FOXD1: variants seen among roughly 807,000 people sequenced by gnomAD.
FOXD1 encodes forkhead box D1.
Under a neutral mutation model 2.0 loss-of-function variants are expected in FOXD1, and 4 were observed. The ratio of observed to expected loss-of-function variants is 2.03; its 90% CI spans 1.00 to 4.64. The LOEUF (loss-of-function observed/expected upper bound fraction) is 4.64. Ranked by LOEUF, FOXD1 falls within the 30% of genes most tolerant of loss-of-function variation. The pLI, the probability that FOXD1 is intolerant of heterozygous loss-of-function variation, is 0.01. For synonymous variants in FOXD1, 354 were observed against 328.5 expected, an observed-to-expected ratio of 1.08 and a Z score of -0.84; for missense variants, 586 against 647.6, an observed-to-expected ratio of 0.90 and a Z score of 1.03.
In FOXD1 at chr5:73,448,088, G is replaced by A; in HGVS notation, c.275C>T (p.Pro92Leu). 8.9e-7 allele frequency: 1 copy of A among 1,125,858 alleles called. No homozygotes were observed. The highest frequency in any genetic ancestry group is 1.1e-6 in the Non-Finnish European group (1 of 919,950). 69.7% of individuals were successfully genotyped at this position (1,125,858 alleles called of 1,614,324 possible). ...PAGGSPAPPG[P>L]APAAGAGAGG... ...GGCTCCTGCCCCCGCCGCCGGGGCC[G>A]GGCCCGGGGGCGCCGGGGAGCCCCC... is the stretch of plus-strand genomic sequence containing the variant. The change falls in exon 1 of 1, where the codon CCG (proline) becomes CTG (leucine). Residue 92 changes from proline to leucine, a missense_variant. By Grantham distance (98) the Pro-to-Leu change is moderately conservative. Transcript: ENST00000615637.
Position 73,447,963 on chromosome 5 carries a change from T to C in FOXD1, c.400A>G (p.Ile134Val). 6.3e-7 allele frequency: 1 copy of C among 1,599,204 alleles called. No homozygotes were observed. The highest frequency in any genetic ancestry group is 8.5e-7 in the Non-Finnish European group (1 of 1,172,972). Residue 134 changes from isoleucine to valine, a missense_variant, in exon 1 of 1, where the codon ATC becomes GTC. This residue lies in a region of FOXD1 where 104 missense variants were observed against 175.4 expected (regional missense o/e 0.59). Coordinates refer to ENST00000615637, the MANE Select transcript of FOXD1 (RefSeq NM_004472.3). This position sits in a 1 kb window ranked among gnomAD's most constrained non-coding sequence, Gnocchi z 7.8. ...GGGCTCTGCAGGATGGCCATAGTGA[T>C]GAGCGCGATATACGAGTAGGGCGGC... ...VKPPYSYIAL[I>V]TMAILQSPKK... is the part of the protein sequence containing the mutation.
chr5:73,446,737 T>G lies in FOXD1; in HGVS notation c.*228A>C. 1.6e-5 allele frequency: 7 copies of G among 429,784 alleles called. No homozygotes were observed. Among genetic ancestry groups the G allele is most frequent in the Admixed American group, 4.0e-5 (1 of 24,872 alleles). 26.6% of individuals were successfully genotyped at this position (429,784 alleles called of 1,614,324 possible). Reference sequence around the variant, plus strand: ...CTTCCTCCCTACCCCAGGTCGGGGGTTGGGGGGCTGTAGCATAGGTCGGCT... The same window carrying G: ...CTTCCTCCCTACCCCAGGTCGGGGGGTGGGGGGCTGTAGCATAGGTCGGCT... On this transcript the variant is annotated 3_prime_UTR_variant, in exon 1 of 1. Coordinates refer to ENST00000615637, the MANE Select transcript of FOXD1 (RefSeq NM_004472.3).
At position 73,447,784 on chromosome 5, in the gene FOXD1, C is replaced by G. The variant is rs753617160; in HGVS notation, c.579G>C (p.Pro193=). 5.2e-5 allele frequency: 84 copies of G among 1,611,196 alleles called. No homozygotes were observed. The highest frequency in any genetic ancestry group is 6.4e-5 in the Non-Finnish European group (76 of 1,178,778). ...FVKIPREPGN[P]GKGNYWTLDP... is the part of the protein sequence containing the mutation. Reference sequence around the variant, plus strand: ...CCAGCGTCCAGTAGTTGCCCTTGCCCGGGTTGCCGGGCTCGCGGGGGATCT... The same window carrying G: ...CCAGCGTCCAGTAGTTGCCCTTGCCGGGGTTGCCGGGCTCGCGGGGGATCT... The change falls in exon 1 of 1, where the codon CCG becomes CCC. Residue 193 remains proline, a synonymous_variant. Transcript: ENST00000615637. This position sits in a 1 kb window ranked among gnomAD's most constrained non-coding sequence, Gnocchi z 7.8.
In FOXD1 at chr5:73,447,523, C is replaced by A. The variant is rs2112139515; in HGVS notation, c.840G>T (p.Leu280=). The A allele has an allele frequency of 1.9e-6, 2 of 1,029,004 alleles. No individual in the cohort carries two copies. Among genetic ancestry groups the A allele is most frequent in the East Asian group, 1.9e-4 (2 of 10,640 alleles). 63.7% of individuals were successfully genotyped at this position (1,029,004 alleles called of 1,614,324 possible). A position where few individuals can be genotyped will look rare whatever the true frequency, so the allele number is the denominator to read the frequency against. Residue 280 remains leucine (L), a synonymous_variant, in exon 1 of 1, where the codon CTG becomes CTT. Coordinates refer to ENST00000615637, the MANE Select transcript of FOXD1 (RefSeq NM_004472.3). This position sits in a 1 kb window ranked among gnomAD's most constrained non-coding sequence, Gnocchi z 7.8. ...AGGGCGGCGCGTAAGGCGGCAGCTG[C>A]AGGCCGTAGCCGCAGCCGTAGGGGC... ...GYGPYGCGYG[L]QLPPYAPPSA... is the part of the protein sequence containing the mutation.
At position 73,447,064 on chromosome 5, in the gene FOXD1, G is replaced by A. The variant is rs1561240605; in HGVS notation, c.1299C>T (p.Ala433=). The stretch of plus-strand genomic sequence containing the variant: ...CGGCGGACGAGGAGACTGAGGAGGC[G>A]GCGGCGGCCGCGGCGGCCACGAGGG... ...TRSLVAAAAA[A]ASSVSSSAAL... Residue 433 remains alanine, a synonymous_variant, in exon 1 of 1, where the codon GCC becomes GCT. Coordinates refer to ENST00000615637, the MANE Select transcript of FOXD1 (RefSeq NM_004472.3). The surrounding 1 kb of genome is among the most constrained non-coding windows in gnomAD (Gnocchi z 7.8). The A allele has an allele frequency of 2.0e-6, 3 of 1,518,512 alleles. No homozygotes were observed. The highest frequency in any genetic ancestry group is 5.5e-5 in the East Asian group (2 of 36,638). 94.1% of individuals were successfully genotyped at this position (1,518,512 alleles called of 1,614,324 possible). A position where few individuals can be genotyped will look rare whatever the true frequency, so the allele number is the denominator to read the frequency against.
chr5:73,448,176 C>T lies in FOXD1; in HGVS notation c.187G>A (p.Asp63Asn), dbSNP rs1415722883. 2.8e-6 allele frequency: 4 copies of T among 1,444,250 alleles called. No individual in the cohort carries two copies. In the African/African-American group the frequency reaches 6.0e-5, roughly 22 times the overall value. 89.5% of individuals were successfully genotyped at this position (1,444,250 alleles called of 1,614,324 possible). A position where few individuals can be genotyped will look rare whatever the true frequency, so the allele number is the denominator to read the frequency against. ...RRRRRSYAGE[D>N]ELEDLEEEED... ...TCCTCCTCCAGATCCTCCAGCTCGT[C>T]CTCCCCGGCGTACGAGCGCCGCCGC... The change falls in exon 1 of 1, where the codon GAC (aspartate) becomes AAC (asparagine). Residue 63 changes from aspartate to asparagine, a missense_variant. Physicochemically the swap from Asp to Asn is conservative, Grantham distance 23. Transcript: ENST00000615637.
chr5:73,447,530 T>C lies in FOXD1; in HGVS notation c.833A>G (p.Tyr278Cys). ...CGCGTAAGGCGGCAGCTGCAGGCCG[T>C]AGCCGCAGCCGTAGGGGCCGTAGCC... ...AYGYGPYGCG[Y>C]GLQLPPYAPP... is the part of the protein sequence containing the mutation. Residue 278 changes from tyrosine to cysteine, a missense_variant, in exon 1 of 1, where the codon TAC becomes TGC. Tyr to Cys is a radical substitution (Grantham distance 194, BLOSUM62 -2). Coordinates refer to ENST00000615637, the MANE Select transcript of FOXD1 (RefSeq NM_004472.3). The surrounding 1 kb of genome is among the most constrained non-coding windows in gnomAD (Gnocchi z 7.8). The C allele has an allele frequency of 9.7e-7, 1 of 1,033,058 alleles. No individual in the cohort carries two copies. 64.0% of individuals were successfully genotyped at this position (1,033,058 alleles called of 1,614,324 possible). A position where few individuals can be genotyped will look rare whatever the true frequency, so the allele number is the denominator to read the frequency against.
Position 73,447,243 on chromosome 5 carries a change from G to C in FOXD1, c.1120C>G (p.Pro374Ala). Residue 374 changes from proline (P) to alanine (A), a missense_variant, in exon 1 of 1, where the codon CCG becomes GCG. Physicochemically the swap from Pro to Ala is conservative, Grantham distance 27 (BLOSUM62 -1). This residue lies in a region of FOXD1 where 253 missense variants were observed against 234.4 expected (regional missense o/e 1.08). Transcript: ENST00000615637. The surrounding 1 kb of genome is among the most constrained non-coding windows in gnomAD (Gnocchi z 7.8). ...IESIIGGSLGPAAAAAAAAQA... is the reference protein window; with the variant it reads ...IESIIGGSLGAAAAAAAAAQA... ...GCGGCGGCGGCGGCAGCGGCGGCCG[G>C]GCCCAAGCTGCCCCCGATGATGCTC... 2 of 990,576 alleles carry C rather than the reference G, an allele frequency of 2.0e-6. No homozygotes were observed. Among genetic ancestry groups the C allele is most frequent in the Non-Finnish European group, 2.4e-6 (2 of 836,708 alleles). 61.4% of individuals were successfully genotyped at this position (990,576 alleles called of 1,614,324 possible).
In FOXD1 at chr5:73,447,127, C is replaced by T; in HGVS notation, c.1236G>A (p.Ala412=). ...CGGCCGCCGGGCCCACGGCCGCCTG[C>T]GCCGCGCAGCCTCCTCCGCTGGATC... The part of the protein sequence containing the change: ...APGSSGGGCA[A]QAAVGPAAAL... The change falls in exon 1 of 1, where the codon GCG becomes GCA. Residue 412 remains alanine (A), a synonymous_variant. Coordinates refer to ENST00000615637, the MANE Select transcript of FOXD1 (RefSeq NM_004472.3). This position sits in a 1 kb window ranked among gnomAD's most constrained non-coding sequence, Gnocchi z 7.8. 1.6e-6 allele frequency: 2 copies of T among 1,213,792 alleles called. No individual in the cohort carries two copies. The highest frequency in any genetic ancestry group is 3.7e-5 in the South Asian group (1 of 26,762). 75.2% of individuals were successfully genotyped at this position (1,213,792 alleles called of 1,614,324 possible).
rs992724147 is a variant in FOXD1, at chr5:73,447,271, G to C, written c.1092C>G (p.Ile364Met). 2.2e-3 allele frequency: 2,186 copies of C among 990,776 alleles called. 4 individuals are homozygous for C. Among genetic ancestry groups the C allele is most frequent in the Admixed American group, 2.7e-3 (43 of 15,954 alleles). The allele number at this position is 990,776 out of a possible 1,614,324, so 61.4% of individuals were successfully genotyped here. The change falls in exon 1 of 1, where the codon ATC becomes ATG. Residue 364 changes from isoleucine to methionine, a missense_variant. Physicochemically the swap from Ile to Met is conservative, Grantham distance 10. Coordinates refer to ENST00000615637, the MANE Select transcript of FOXD1 (RefSeq NM_004472.3). The surrounding 1 kb of genome is among the most constrained non-coding windows in gnomAD (Gnocchi z 7.8). ...CCAAGCTGCCCCCGATGATGCTCTC[G>C]ATGGAGAAGGGCGAGCGCGCCAGCG... ...ASALARSPFSIESIIGGSLGP... is the reference protein window; with the variant it reads ...ASALARSPFSMESIIGGSLGP...
chr5:73,447,273 T>C lies in FOXD1; in HGVS notation c.1090A>G (p.Ile364Val). 1 of 986,408 alleles carries C rather than the reference T, an allele frequency of 1.0e-6. No homozygotes were observed. Among genetic ancestry groups the C allele is most frequent in the Non-Finnish European group, 1.2e-6 (1 of 834,794 alleles). The allele number at this position is 986,408 out of a possible 1,614,324, so 61.1% of individuals were successfully genotyped here. A position where few individuals can be genotyped will look rare whatever the true frequency, so the allele number is the denominator to read the frequency against. The part of the protein sequence containing the change: ...ASALARSPFS[I>V]ESIIGGSLGP... The stretch of plus-strand genomic sequence containing the variant: ...AAGCTGCCCCCGATGATGCTCTCGA[T>C]GGAGAAGGGCGAGCGCGCCAGCGCT... The change falls in exon 1 of 1, where the codon ATC (isoleucine) becomes GTC (valine). Residue 364 changes from isoleucine (I) to valine (V), a missense_variant. Ile to Val is a conservative substitution (Grantham distance 29). Coordinates refer to ENST00000615637, the MANE Select transcript of FOXD1 (RefSeq NM_004472.3). This position sits in a 1 kb window ranked among gnomAD's most constrained non-coding sequence, Gnocchi z 7.8.
rs1395161400 is a variant in FOXD1, at chr5:73,448,071, C to A, written c.292G>T (p.Ala98Ser). The A allele has an allele frequency of 1.8e-6, 2 of 1,142,666 alleles. No homozygotes were observed. The highest frequency in any genetic ancestry group is 8.0e-5 in the South Asian group (2 of 25,102). The allele number at this position is 1,142,666 out of a possible 1,614,324, so 70.8% of individuals were successfully genotyped here. Residue 98 changes from alanine to serine, a missense_variant, in exon 1 of 1, where the codon GCA (alanine) becomes TCA (serine). Transcript: ENST00000615637. ...CCGCCGCCGCCCCCACCGGCTCCTGCCCCCGCCGCCGGGGCCGGGCCCGGG... is the reference window on the plus strand; with the variant it reads ...CCGCCGCCGCCCCCACCGGCTCCTGACCCCGCCGCCGGGGCCGGGCCCGGG... ...APPGPAPAAGAGAGGGGGGGG... is the reference protein window; with the variant it reads ...APPGPAPAAGSGAGGGGGGGG...
Position 73,448,009 on chromosome 5 carries a change from G to T in FOXD1, c.354C>A (p.Gly118=), listed in dbSNP as rs1487623707. Residue 118 remains glycine (G), a synonymous_variant, in exon 1 of 1, where the codon GGC becomes GGA. Transcript: ENST00000615637. The stretch of plus-strand genomic sequence containing the variant: ...GCGGCTTCACCAGCGGGTTCTTGGC[G>T]CCGCTACCCGCGCTCCCGCCGCCGC... The part of the protein sequence containing the change: ...GAGGGGSAGS[G]AKNPLVKPPY... 1.4e-6 allele frequency: 2 copies of T among 1,412,412 alleles called. No individual in the cohort carries two copies. Among genetic ancestry groups the T allele is most frequent in the Non-Finnish European group, 1.9e-6 (2 of 1,077,454 alleles). The allele number at this position is 1,412,412 out of a possible 1,614,324, so 87.5% of individuals were successfully genotyped here.
chr5:73,448,138 A>ATCGTCG lies in FOXD1; in HGVS notation c.219_224dup (p.Asp75_Asp76dup). 1 of 1,371,742 alleles carries ATCGTCG rather than the reference A, an allele frequency of 7.3e-7. No individual in the cohort carries two copies. Among genetic ancestry groups the ATCGTCG allele is most frequent in the Non-Finnish European group, 9.5e-7 (1 of 1,054,600 alleles). The allele number at this position is 1,371,742 out of a possible 1,614,324, so 85.0% of individuals were successfully genotyped here. A position where few individuals can be genotyped will look rare whatever the true frequency, so the allele number is the denominator to read the frequency against. Reference sequence around the variant, plus strand: ...CAGCAGGCGGGGCCAGCAGGATGTCATCGTCGTCCTCCTCCTCCTCCAGAT... The same window carrying ATCGTCG: ...CAGCAGGCGGGGCCAGCAGGATGTCATCGTCGTCGTCGTCCTCCTCCTCCTCCAGAT... On this transcript the variant is annotated inframe_insertion, in exon 1 of 1. Coordinates refer to ENST00000615637, the MANE Select transcript of FOXD1 (RefSeq NM_004472.3).
At position 73,447,655 on chromosome 5, in the gene FOXD1, A is replaced by AG; in HGVS notation, c.707dup (p.Leu237SerfsTer225). The AG allele has an allele frequency of 6.4e-7, 1 of 1,565,326 alleles. No individual in the cohort carries two copies. The highest frequency in any genetic ancestry group is 8.6e-7 in the Non-Finnish European group (1 of 1,157,774). ...CGGCTCCCGCGCCGCGCAGCAGCAG[A>AG]GACTCGGCGGCCGCGGCGTTGGGTG... On this transcript the variant is annotated frameshift_variant, in exon 1 of 1. Transcript: ENST00000615637. LOFTEE classifies it low-confidence loss of function (END_TRUNC). The surrounding 1 kb of genome is among the most constrained non-coding windows in gnomAD (Gnocchi z 7.8).
Position 73,448,258 on chromosome 5 carries a change from GTCC to G in FOXD1, c.102_104del (p.Glu34del), listed in dbSNP as rs780101710. Reference sequence around the variant, plus strand: ...GCCCGCCACCGCCGCCCTCGTCGTCGTCCTCCTCTTCCTCGTCTTCTTCGTCCT... The same window carrying G: ...GCCCGCCACCGCCGCCCTCGTCGTCGTCCTCTTCCTCGTCTTCTTCGTCCT... On this transcript the variant is annotated inframe_deletion, in exon 1 of 1. Transcript: ENST00000615637. The G allele has an allele frequency of 3.4e-6, 5 of 1,481,714 alleles. No homozygotes were observed. Among genetic ancestry groups the G allele is most frequent in the Non-Finnish European group, 4.5e-6 (5 of 1,109,030 alleles). The allele number at this position is 1,481,714 out of a possible 1,614,324, so 91.8% of individuals were successfully genotyped here.
chr5:73,448,446 G>A lies in FOXD1; in HGVS notation c.-84C>T, dbSNP rs1561241568. ...TGCGCCCCAGCCCGGGTCCCGGGCG[G>A]CAGGCCCGGCCGGGGGGCGCCACGC... On this transcript the variant is annotated 5_prime_UTR_variant, in exon 1 of 1. Coordinates refer to ENST00000615637, the MANE Select transcript of FOXD1 (RefSeq NM_004472.3). 9 of 914,966 alleles carry A rather than the reference G, an allele frequency of 9.8e-6. No homozygotes were observed. Among genetic ancestry groups the A allele is most frequent in the African/African-American group, 1.8e-5 (1 of 55,482 alleles). 56.7% of individuals were successfully genotyped at this position (914,966 alleles called of 1,614,324 possible). A position where few individuals can be genotyped will look rare whatever the true frequency, so the allele number is the denominator to read the frequency against.
rs1333543078 is a variant in FOXD1 at position 73,447,229 on chromosome 5, G to GGCA, written c.1131_1133dup (p.Ala382dup). On this transcript the variant is annotated inframe_insertion, in exon 1 of 1. Coordinates refer to ENST00000615637, the MANE Select transcript of FOXD1 (RefSeq NM_004472.3). The surrounding 1 kb of genome is among the most constrained non-coding windows in gnomAD (Gnocchi z 7.8). Reference sequence around the variant, plus strand: ...CGGCGGCGGCCTGCGCGGCGGCGGCGGCAGCGGCGGCCGGGCCCAAGCTGC... The same window carrying GGCA: ...CGGCGGCGGCCTGCGCGGCGGCGGCGGCAGCAGCGGCGGCCGGGCCCAAGCTGC... 1 of 989,142 alleles carries GGCA rather than the reference G, an allele frequency of 1.0e-6. No homozygotes were observed. The highest frequency in any genetic ancestry group is 1.8e-5 in the African/African-American group (1 of 56,494). The allele number at this position is 989,142 out of a possible 1,614,324, so 61.3% of individuals were successfully genotyped here. A position where few individuals can be genotyped will look rare whatever the true frequency, so the allele number is the denominator to read the frequency against.
In FOXD1 at chr5:73,446,865, G is replaced by C; in HGVS notation, c.*100C>G. On this transcript the variant is annotated 3_prime_UTR_variant, in exon 1 of 1. Coordinates refer to ENST00000615637, the MANE Select transcript of FOXD1 (RefSeq NM_004472.3). ...CGAAAATGGGCGCGCGAGGTCGAGA[G>C]GGGCCGCGCCTGGAGGAGCGAACAA... The C allele has an allele frequency of 9.4e-7, 1 of 1,067,196 alleles. No individual in the cohort carries two copies. The highest frequency in any genetic ancestry group is 1.4e-6 in the Non-Finnish European group (1 of 738,828). 66.1% of individuals were successfully genotyped at this position (1,067,196 alleles called of 1,614,324 possible). A position where few individuals can be genotyped will look rare whatever the true frequency, so the allele number is the denominator to read the frequency against.
Sources: allele counts gnomAD v4.1 joint callset, GRCh38; gene constraint gnomAD v4.1.1; regional missense constraint gnomAD v4.1.1; non-coding constraint Gnocchi (gnomAD v3.1); transcripts MANE v1.5; gene names NCBI Gene and HGNC (gene_info 2026-07-23, HGNC 2026-07-21).